Variants in RBM23 observed in about 807,000 individuals in gnomAD.
The protein encoded by RBM23 is RNA binding motif protein 23.
In RBM23, 53 loss-of-function variants were observed where a neutral mutation model predicts 56.2. The observed-to-expected ratio is 0.94, with a 90% confidence interval of 0.76 to 1.19. RBM23 has a LOEUF of 1.19. Among genes scored for constraint, RBM23 ranks in the 50% most tolerant of loss-of-function variants. The pLI, the probability that RBM23 is intolerant of heterozygous loss-of-function variation, is 0.00. For synonymous variants in RBM23, 197 were observed against 198.5 expected (o/e 0.99, Z 0.06); for missense variants, 642 against 590.3 (o/e 1.09, Z -0.91).
chr14:22,904,651 T>A (rs964326656), intron 9 of RBM23, among the ~76,000 whole-genome samples: 4 of 152,110 alleles, frequency 2.6e-5, no homozygotes, highest in African/African-American at 9.7e-5. Context: ...TTGTATTTTT[T>A]AATCTTTCTT....
At position 22,902,315 on chromosome 14, in the gene RBM23, G is replaced by T. The variant is rs375097386; in HGVS notation, c.998C>A (p.Pro333His). ...CTCAGTCACATGGCCAACCCTCATA[G>T]GTCGACCAGCAAGCTCAAACCCATT... ...QLNGFELAGR[P>H]MRVGHVTERL... The change falls in exon 11 of 14, where the codon CCT becomes CAT. Residue 333 changes from proline to histidine, a missense_variant. Transcript: ENST00000359890. 1 of 1,614,100 alleles carries T rather than the reference G, an allele frequency of 6.2e-7. No individual in the cohort carries two copies. Among genetic ancestry groups the T allele is most frequent in the South Asian group, 1.1e-5 (1 of 91,076 alleles).
chr14:22,902,053 GGCGGCA>G lies in RBM23; in HGVS notation c.1167_1172del (p.Ala392_Ala393del), dbSNP rs778062603. On this transcript the variant is annotated inframe_deletion, in exon 12 of 14. Transcript: ENST00000359890. ...GTTGCAAGGCAGCAGCCTGGGCGGC[GGCGGCA>G]GCAGCAGCAGCAGCAGTGCTTGGCA... 2.3e-5 allele frequency: 37 copies of G among 1,612,516 alleles called. No individual in the cohort carries two copies. The highest frequency in any genetic ancestry group is 2.7e-5 in the Non-Finnish European group (32 of 1,179,098).
chr14:22,901,403 A>C lies in RBM23; in HGVS notation c.*327T>G. On this transcript the variant is annotated 3_prime_UTR_variant, in exon 14 of 14. Transcript: ENST00000359890. ...TTCAGTATGCCCTATGGCCTTCCCA[A>C]TGGGGGAGAAATTGAGGAATCACTA... The C allele has an allele frequency of 2.1e-6, 1 of 478,658 alleles. No individual in the cohort carries two copies. The highest frequency in any genetic ancestry group is 3.7e-6 in the Non-Finnish European group (1 of 267,308). The allele number at this position is 478,658 out of a possible 1,614,324, so 29.7% of individuals were successfully genotyped here.
At chr14:22,917,910 T>C (rs2043839942) in intron 1 of RBM23, 1 of 152,240 alleles carries the variant, frequency 6.6e-6, no homozygotes, top group Non-Finnish European at 1.5e-5. Context: ...AGAGAACCAC[T>C]GTCAGACCAA....
At chr14:22,912,717 C>T (rs778010472) in intron 1 of RBM23, among the ~76,000 whole-genome samples, 1 of 152,072 alleles carries the variant, frequency 6.6e-6, no homozygotes, top group Non-Finnish European at 1.5e-5. Flanking sequence ...AGGCCAGGCG[C>T]GGTGGCTCAT....
chr14:22,901,471 C>G lies in RBM23; in HGVS notation c.*259G>C. On this transcript the variant is annotated 3_prime_UTR_variant, in exon 14 of 14. Coordinates refer to ENST00000359890, the MANE Select transcript of RBM23 (RefSeq NM_001077351.2). ...AGAAGGTAATCTCAGAGACGATACA[C>G]ATGGAGAAACAGGTATTCAATGCAG... The G allele has an allele frequency of 3.4e-6, 2 of 589,576 alleles. No individual in the cohort carries two copies. The highest frequency in any genetic ancestry group is 3.0e-6 in the Non-Finnish European group (1 of 329,120). The allele number at this position is 589,576 out of a possible 1,614,324, so 36.5% of individuals were successfully genotyped here.
rs775646324 is a variant in RBM23 at position 22,905,568 on chromosome 14, C to T, written c.455+38G>A. Reference sequence around the variant, plus strand: ...TGGCTCAAATAACCTTTTATTCATACCTCACAATCCCTAAAACAGTGTTCA... The same window carrying T: ...TGGCTCAAATAACCTTTTATTCATATCTCACAATCCCTAAAACAGTGTTCA... On this transcript the variant is annotated intron_variant, in intron 6 of 13. Transcript: ENST00000359890. 16 of 1,602,132 alleles carry T rather than the reference C, an allele frequency of 1.0e-5. No homozygotes were observed. In the East Asian group the frequency reaches 1.8e-4, roughly 18 times the overall value.
rs1356354687 is a variant in RBM23, at chr14:22,900,384, ACT to A, written c.*1344_*1345del. 1 of 138,476 alleles carries A rather than the reference ACT, an allele frequency of 7.2e-6. No homozygotes were observed. The highest frequency in any genetic ancestry group is 1.5e-5 in the Non-Finnish European group (1 of 66,286). 8.6% of individuals were successfully genotyped at this position (138,476 alleles called of 1,614,324 possible). ...GAAAAAAACAAGTGTAGAATGCAGT[ACT>A]GTCATAGTGCCATCTGCTGGAAAGA... On this transcript the variant is annotated 3_prime_UTR_variant, in exon 14 of 14. Transcript: ENST00000359890.
At chr14:22,911,774 G>A (rs1441315999) in intron 1 of RBM23, 1 of 159,596 alleles carries the variant, frequency 6.3e-6, no homozygotes, top group Non-Finnish European at 1.4e-5. Context: ...AGCTGGGTGT[G>A]GTGGCACACA....
At position 22,899,454 on chromosome 14, in the gene RBM23, C is replaced by G. The variant is rs1243357060; in HGVS notation, c.*2276G>C. 1 of 152,434 alleles carries G rather than the reference C, an allele frequency of 6.6e-6. No individual in the cohort carries two copies. Among genetic ancestry groups the G allele is most frequent in the East Asian group, 1.9e-4 (1 of 5,178 alleles). 9.4% of individuals were successfully genotyped at this position (152,434 alleles called of 1,614,324 possible). ...GGAGTGCAGTGGTGCATCCTCGGCT[C>G]ACTGCAACCTCCGCCTCCCAGGCTC... On this transcript the variant is annotated 3_prime_UTR_variant, in exon 14 of 14. Coordinates refer to ENST00000359890, the MANE Select transcript of RBM23 (RefSeq NM_001077351.2).
chr14:22,898,607 TTG>T lies in RBM23; in HGVS notation c.*3121_*3122del, dbSNP rs2040286137. 1 of 151,836 alleles carries T rather than the reference TTG, an allele frequency of 6.6e-6. No homozygotes were observed. The highest frequency in any genetic ancestry group is 1.5e-5 in the Non-Finnish European group (1 of 67,986). The allele number at this position is 151,836 out of a possible 1,614,324, so 9.4% of individuals were successfully genotyped here. On this transcript the variant is annotated 3_prime_UTR_variant, in exon 14 of 14. Coordinates refer to ENST00000359890, the MANE Select transcript of RBM23 (RefSeq NM_001077351.2). The stretch of plus-strand genomic sequence containing the variant: ...ACCTTATATGGAGTAAGACTGGAAA[TTG>T]TCTTAGATACGTCCTTACTTCCAAC...
chr14:22,915,146 C>T (rs2043262520), intron 1 of RBM23, among the ~76,000 whole-genome samples: 1 of 152,188 alleles, frequency 6.6e-6, no homozygotes, highest in South Asian at 2.1e-4. Flanking sequence ...GTACCTACAA[C>T]TGCTAGACAC....
chr14:22,909,742 G>A (rs2042145186), intron 2 of RBM23, 147 bp from the exon 3 acceptor site: 2 of 645,494 alleles, frequency 3.1e-6, no homozygotes, highest in Non-Finnish European at 2.8e-6. Flanking sequence ...TCCTAACAAA[G>A]GGAGTAAGAA....
At position 22,904,273 on chromosome 14, in the gene RBM23, A is replaced by G; in HGVS notation, c.918T>C (p.Tyr306=). 4 of 1,613,974 alleles carry G rather than the reference A, an allele frequency of 2.5e-6. No homozygotes were observed. The highest frequency in any genetic ancestry group is 3.4e-6 in the Non-Finnish European group (4 of 1,179,846). The change falls in exon 10 of 14, where the codon TAT becomes TAC. Residue 306 remains tyrosine, a synonymous_variant. Coordinates refer to ENST00000359890, the MANE Select transcript of RBM23 (RefSeq NM_001077351.2). ...ACTAGAGACTCACCGTGATGAAACC[A>G]TAACCTTTAGAGCGGCCTGTATCTG... is the stretch of plus-strand genomic sequence containing the variant. ...KDSDTGRSKG[Y]GFITFSDSEC...
Position 22,897,783 on chromosome 14 carries a change from G to A in RBM23, c.*3947C>T, listed in dbSNP as rs1445834428. On this transcript the variant is annotated 3_prime_UTR_variant, in exon 14 of 14. Transcript: ENST00000359890. ...AGGTTAAGATCAAGGGATCTGAAGC[G>A]AGAGTACTTGGATTGGAATCCCTAA... 2 of 152,190 alleles carry A rather than the reference G, an allele frequency of 1.3e-5. No individual in the cohort carries two copies. Among genetic ancestry groups the A allele is most frequent in the Non-Finnish European group, 2.9e-5 (2 of 68,036 alleles). The allele number at this position is 152,190 out of a possible 1,614,324, so 9.4% of individuals were successfully genotyped here.
rs1432856784 is a variant in RBM23 at position 22,898,219 on chromosome 14, G to A, written c.*3511C>T. 6.6e-6 allele frequency: 1 copy of A among 152,266 alleles called. No individual in the cohort carries two copies. The highest frequency in any genetic ancestry group is 1.5e-5 in the Non-Finnish European group (1 of 68,070). The allele number at this position is 152,266 out of a possible 1,614,324, so 9.4% of individuals were successfully genotyped here. On this transcript the variant is annotated 3_prime_UTR_variant, in exon 14 of 14. Coordinates refer to ENST00000359890, the MANE Select transcript of RBM23 (RefSeq NM_001077351.2). ...TGGGGGTTGTTGGGAGTCTGAGGAAGCAGGCAGAATTCCTGTGTCAAGAGC... is the reference window on the plus strand; with the variant it reads ...TGGGGGTTGTTGGGAGTCTGAGGAAACAGGCAGAATTCCTGTGTCAAGAGC...
intron 10 of RBM23, 192 bp downstream of exon 10, chr14:22,904,069 G>A (rs1391015789): frequency 6.6e-7 from 1 of 1,521,950 alleles, no homozygotes; most frequent in African/African-American, 1.4e-5. Flanking sequence ...CACTGACAGA[G>A]TGTAGGAGCA....
At chr14:22,914,840 G>A (rs545630621) in intron 1 of RBM23, among the ~76,000 whole-genome samples, 216 of 151,786 alleles carry the variant, frequency 1.4e-3, no homozygotes, top group Non-Finnish European at 2.1e-3. Flanking sequence ...AAAATTAGCC[G>A]GGCATGGTGG....
chr14:22,905,151 G>A lies in RBM23; in HGVS notation c.669C>T (p.Ala223=). Residue 223 remains alanine, a synonymous_variant, in exon 8 of 14, where the codon GCC becomes GCT. Transcript: ENST00000359890. The part of the protein sequence containing the change: ...EFCEIQSVPL[A]IGLTGQRLLG... ...GCAACCGCTGCCCAGTCAGCCCAAT[G>A]GCCAGTGGCACAGACTGGATTTCAC... 1 of 1,614,156 alleles carries A rather than the reference G, an allele frequency of 6.2e-7. No homozygotes were observed. The highest frequency in any genetic ancestry group is 8.5e-7 in the Non-Finnish European group (1 of 1,180,022).
Sources: allele counts gnomAD v4.1 joint callset (sites outside exome capture counted in the v4.1 genomes callset), GRCh38; gene constraint gnomAD v4.1.1; transcripts MANE v1.5; gene names NCBI Gene and HGNC (gene_info 2026-07-23, HGNC 2026-07-21).